ST8SIA1: variants seen among roughly 807,000 people sequenced by gnomAD.
ST8SIA1 encodes alpha-N-acetylneuraminide alpha-2,8-sialyltransferase.
Under a neutral mutation model 35.9 loss-of-function variants are expected in ST8SIA1, and 16 were observed. That is an observed-to-expected ratio of 0.45 (90% CI 0.30 to 0.68). ST8SIA1 has a LOEUF of 0.68. Ranked by LOEUF, ST8SIA1 falls within the 30% of genes least tolerant of loss-of-function variation. The pLI is 0.09. For missense variants in ST8SIA1, 383 were observed against 453.6 expected, an observed-to-expected ratio of 0.84 and a Z score of 1.41; for synonymous variants, 170 against 169.6, an observed-to-expected ratio of 1.00 and a Z score of -0.02.
intron 2 of ST8SIA1, among the ~76,000 whole-genome samples, chr12:22,271,045 G>A (rs546694483): frequency 5.3e-5 from 8 of 152,252 alleles, no homozygotes; most frequent in Middle Eastern, 6.8e-3. Context: ...GGTAGTTTAC[G>A]TCTGCAGTTC....
chr12:22,222,446 A>C (rs1277965351), intron 4 of ST8SIA1, among the ~76,000 whole-genome samples: 1 of 152,224 alleles, frequency 6.6e-6, no homozygotes, highest in East Asian at 1.9e-4. Context: ...AAAATCTCTA[A>C]TACTTAAAGA....
chr12:22,246,448 A>G (rs1865603122), intron 4 of ST8SIA1, among the ~76,000 whole-genome samples: 1 of 151,784 alleles, frequency 6.6e-6, no homozygotes. Flanking sequence ...GAGATCTTCG[A>G]TCTCATTCCG....
chr12:22,221,376 G>C, intron 4 of ST8SIA1, among the ~76,000 whole-genome samples: 1 of 152,170 alleles, frequency 6.6e-6, no homozygotes, highest in East Asian at 1.9e-4. Flanking sequence ...AAACTTGTAT[G>C]ATTAAAGAGG....
At chr12:22,214,502 A>G (rs1865213096) in intron 4 of ST8SIA1, among the ~76,000 whole-genome samples, 1 of 131,362 alleles carries the variant, frequency 7.6e-6, no homozygotes, top group African/African-American at 2.8e-5. Flanking sequence ...TGCATGTCCC[A>G]TTTAAGGATT....
chr12:22,237,691 A>C (rs570854805), intron 4 of ST8SIA1, among the ~76,000 whole-genome samples: 2 of 151,782 alleles, frequency 1.3e-5, no homozygotes, highest in Admixed American at 6.6e-5. Context: ...GTTTGGAGAT[A>C]CCATTTTATT....
At chr12:22,307,242 G>C (rs1029231357) in intron 1 of ST8SIA1, among the ~76,000 whole-genome samples, 1 of 152,072 alleles carries the variant, frequency 6.6e-6, no homozygotes, top group Admixed American at 6.6e-5. Flanking sequence ...ATTACCAAGC[G>C]CTGGGCTTCA....
chr12:22,302,993 C>T (rs1469792328), intron 1 of ST8SIA1, among the ~76,000 whole-genome samples: 1 of 152,102 alleles, frequency 6.6e-6, no homozygotes, highest in African/African-American at 2.4e-5. Context: ...CAAGCTGTGC[C>T]CCAACCACCT....
intron 3 of ST8SIA1, 115 bp from the exon 4 acceptor site, chr12:22,249,213 G>GTTTTTTTTTTTTT (rs771983175): frequency 2.2e-6 from 1 of 455,278 alleles, no homozygotes; most frequent in Non-Finnish European, 3.8e-6. Flanking sequence ...TAACTGTTTT[G>GTTTTTTTTTTTTT]TTTTTTGTTT....
At chr12:22,279,769 C>T (rs1866012711) in intron 2 of ST8SIA1, among the ~76,000 whole-genome samples, 1 of 152,198 alleles carries the variant, frequency 6.6e-6, no homozygotes, top group Admixed American at 6.5e-5. Flanking sequence ...TATGTTCACT[C>T]CCTATCCTAT....
chr12:22,328,754 G>T (rs184688173), intron 1 of ST8SIA1, among the ~76,000 whole-genome samples: 98 of 152,294 alleles, frequency 6.4e-4, no homozygotes, highest in Non-Finnish European at 6.0e-4. Context: ...AACTAACAAG[G>T]ACTGAGCATT....
intron 2 of ST8SIA1, among the ~76,000 whole-genome samples, chr12:22,275,817 T>C (rs182362797): frequency 6.6e-6 from 1 of 152,266 alleles, no homozygotes; most frequent in East Asian, 1.9e-4. Flanking sequence ...TCCTGATCAG[T>C]AGCAAGGCTT....
chr12:22,205,987 A>G (rs904868883), intron 4 of ST8SIA1, among the ~76,000 whole-genome samples: 1 of 152,172 alleles, frequency 6.6e-6, no homozygotes, highest in African/African-American at 2.4e-5. Context: ...ATATATGGAT[A>G]CATTGATATG....
intron 4 of ST8SIA1, among the ~76,000 whole-genome samples, chr12:22,246,733 G>A (rs1052459862): frequency 1.3e-5 from 2 of 152,054 alleles, no homozygotes; most frequent in South Asian, 2.1e-4. Context: ...AGTCCCAGGC[G>A]ATTATTAGCA....
At chr12:22,261,068 G>A (rs188931834) in intron 2 of ST8SIA1, among the ~76,000 whole-genome samples, 78 of 151,752 alleles carry the variant, frequency 5.1e-4, no homozygotes, top group Non-Finnish European at 1.0e-3. Context: ...TTGTAGACAC[G>A]AGGTTTCACC....
chr12:22,232,476 T>C (rs975420973), intron 4 of ST8SIA1, among the ~76,000 whole-genome samples: 2 of 152,180 alleles, frequency 1.3e-5, no homozygotes, highest in Admixed American at 1.3e-4. Context: ...TACACAGGTT[T>C]GCAGAAAAGG....
At position 22,201,144 on chromosome 12, in the gene ST8SIA1, T is replaced by C. The variant is rs2120600961; in HGVS notation, c.*408A>G. ...AAGCCAGTCTTAATAAGACAGGTTC[T>C]TATTAATATTATTAAGCCAGTTTGT... is the stretch of plus-strand genomic sequence containing the variant. On this transcript the variant is annotated 3_prime_UTR_variant, in exon 5 of 5. Coordinates refer to ENST00000396037, the MANE Select transcript of ST8SIA1 (RefSeq NM_003034.4). 1 of 155,462 alleles carries C rather than the reference T, an allele frequency of 6.4e-6. No individual in the cohort carries two copies. The highest frequency in any genetic ancestry group is 1.4e-5 in the Non-Finnish European group (1 of 70,362). The allele number at this position is 155,462 out of a possible 1,614,324, so 9.6% of individuals were successfully genotyped here.
chr12:22,276,104 C>T (rs921593580), intron 2 of ST8SIA1, among the ~76,000 whole-genome samples: 39 of 152,164 alleles, frequency 2.6e-4, no homozygotes, highest in Middle Eastern at 3.2e-3. Context: ...TCCCTCAGGC[C>T]TCTGCCTACC....
intron 1 of ST8SIA1, among the ~76,000 whole-genome samples, chr12:22,299,509 C>T (rs1866291393): frequency 6.6e-6 from 1 of 151,732 alleles, no homozygotes; most frequent in Non-Finnish European, 1.5e-5. Context: ...CTGTGTAAGT[C>T]CAATAAGAGG....
intron 1 of ST8SIA1, among the ~76,000 whole-genome samples, chr12:22,321,039 AG>A (rs1369049027): frequency 0.018 from 1,404 of 78,638 alleles, 14 homozygotes; most frequent in Non-Finnish European, 0.023. Context: ...AGAAAGAGAA[AG>A]AGAAAGAAAA....
Sources: gnomAD v4.1 joint callset for allele counts (sites outside exome capture counted in the v4.1 genomes callset) on GRCh38, gnomAD v4.1.1 for gene constraint, MANE v1.5 for transcripts, NCBI Gene and HGNC (gene_info 2026-07-23, HGNC 2026-07-21) for gene names.